The following JARID2 variants were observed in gnomAD, a reference collection of about 807,000 sequenced individuals.
The protein encoded by JARID2 is protein Jumonji.
In JARID2, 21 loss-of-function variants were observed where a neutral mutation model predicts 125.6. That is an observed-to-expected ratio of 0.17 (90% CI 0.12 to 0.24). JARID2 has a LOEUF of 0.24. Among genes scored for constraint, JARID2 ranks in the 10% least tolerant of loss-of-function variants. The pLI is 1.00. For synonymous variants in JARID2, 736 were observed against 661.6 expected (o/e 1.11, Z -1.73); for missense variants, 1,303 against 1,639.6 (o/e 0.79, Z 3.55).
intron 1 of JARID2, among the ~76,000 whole-genome samples, chr6:15,253,252 A>T (rs1458990053): frequency 6.6e-6 from 1 of 152,028 alleles, no homozygotes; most frequent in African/African-American, 2.4e-5. Context: ...TTTAGTAAAG[A>T]CGGGGTTTCA....
chr6:15,383,112 G>A (rs1196646810), intron 2 of JARID2, among the ~76,000 whole-genome samples: 1 of 152,060 alleles, frequency 6.6e-6, no homozygotes, highest in Non-Finnish European at 1.5e-5. Flanking sequence ...TTTTATAGGA[G>A]TTCAGTTTCA....
At chr6:15,462,085 T>A (rs1768480124) in intron 4 of JARID2, among the ~76,000 whole-genome samples, 1 of 152,230 alleles carries the variant, frequency 6.6e-6, no homozygotes, top group Admixed American at 6.5e-5. Context: ...ACATTCATTT[T>A]AATTTTAACC....
chr6:15,302,384 C>T (rs951524627), intron 1 of JARID2, among the ~76,000 whole-genome samples: 1 of 151,736 alleles, frequency 6.6e-6, no homozygotes, highest in African/African-American at 2.4e-5. Context: ...CACTGCACTC[C>T]ATCCTGGGCG....
Position 15,327,080 on chromosome 6 carries a change from C to T in JARID2, c.46-47037C>T, listed in dbSNP as rs576394498. Among the ~76,000 whole-genome samples the T allele has an allele frequency of 4.6e-5, 7 of 152,270 alleles. No individual in the cohort carries two copies. The East Asian group carries it at 9.6e-4, about 21-fold the overall frequency. On this transcript the variant is annotated intron_variant, in intron 1 of 17. Transcript: ENST00000341776. ...TTAATCTGGCAGCAACATTTGGGCC[C>T]GACCTGAAACACGGCTGATGGGTTT...
intron 2 of JARID2, among the ~76,000 whole-genome samples, chr6:15,383,304 A>ATT (rs34764204): frequency 4.8e-4 from 70 of 145,078 alleles, no homozygotes; most frequent in Admixed American, 6.8e-4. Flanking sequence ...CCAGGTTGGG[A>ATT]TTTTTTTTTT....
chr6:15,426,095 A>C (rs1264098622), intron 3 of JARID2, among the ~76,000 whole-genome samples: 2 of 152,192 alleles, frequency 1.3e-5, no homozygotes, highest in Non-Finnish European at 2.9e-5. Context: ...TAGTAATAAC[A>C]TGATGAGCTT....
At chr6:15,292,300 C>A (rs1171691474) in intron 1 of JARID2, among the ~76,000 whole-genome samples, 1 of 152,122 alleles carries the variant, frequency 6.6e-6, no homozygotes, top group Admixed American at 6.5e-5. Context: ...GGATTACAGG[C>A]GTGAGACACC....
At chr6:15,283,691 A>G (rs1459048961) in intron 1 of JARID2, among the ~76,000 whole-genome samples, 2 of 135,964 alleles carry the variant, frequency 1.5e-5, no homozygotes, top group Admixed American at 7.7e-5. Flanking sequence ...TAGTCTGTCC[A>G]TTGTCCTTTA....
chr6:15,268,090 ACT>A (rs1218935833), intron 1 of JARID2, among the ~76,000 whole-genome samples: 1 of 152,062 alleles, frequency 6.6e-6, no homozygotes, highest in Non-Finnish European at 1.5e-5. Context: ...TAGTGTGGTG[ACT>A]CTTTCCTTCT....
At chr6:15,512,709 G>C (rs1771338883) in intron 14 of JARID2, among the ~76,000 whole-genome samples, 1 of 152,126 alleles carries the variant, frequency 6.6e-6, no homozygotes, top group Non-Finnish European at 1.5e-5. Flanking sequence ...AGTGGCAGCT[G>C]CCTCTGGGTA....
intron 2 of JARID2, among the ~76,000 whole-genome samples, chr6:15,399,661 A>T (rs1009205809): frequency 8.5e-5 from 13 of 152,222 alleles, no homozygotes; most frequent in Non-Finnish European, 8.8e-5. Flanking sequence ...AGCAAAGTTG[A>T]CATCTACCTT....
chr6:15,354,018 A>G (rs767433273), intron 1 of JARID2, among the ~76,000 whole-genome samples: 2 of 152,202 alleles, frequency 1.3e-5, no homozygotes, highest in Non-Finnish European at 2.9e-5. Context: ...AGAGTTCAGC[A>G]TGAGGTGTAT....
At chr6:15,277,965 T>C (rs1326004021) in intron 1 of JARID2, among the ~76,000 whole-genome samples, 1 of 152,132 alleles carries the variant, frequency 6.6e-6, no homozygotes. Flanking sequence ...AGGTGAACTC[T>C]GGTTGGGCGC....
intron 4 of JARID2, among the ~76,000 whole-genome samples, chr6:15,458,718 G>A (rs970312846): frequency 1.3e-5 from 2 of 152,206 alleles, no homozygotes; most frequent in African/African-American, 4.8e-5. Context: ...AGAGGCCCTG[G>A]GATGGCTGCA....
intron 1 of JARID2, among the ~76,000 whole-genome samples, chr6:15,265,376 A>C (rs545131269): frequency 3.3e-5 from 5 of 152,090 alleles, no homozygotes; most frequent in South Asian, 2.1e-4. Context: ...TAAAAAAAAA[A>C]AAACAAAAAA....
At chr6:15,409,609 A>G (rs1765793195) in intron 2 of JARID2, among the ~76,000 whole-genome samples, 1 of 152,222 alleles carries the variant, frequency 6.6e-6, no homozygotes, top group Admixed American at 6.5e-5. Context: ...CTAAAAGCAC[A>G]TCCATGAGCA....
At chr6:15,465,222 G>T (rs1768659217) in intron 4 of JARID2, among the ~76,000 whole-genome samples, 1 of 152,216 alleles carries the variant, frequency 6.6e-6, no homozygotes, top group African/African-American at 2.4e-5. Flanking sequence ...GGGAGATCAG[G>T]TGGGAAGATC....
At chr6:15,460,852 G>T (rs1405033725) in intron 4 of JARID2, among the ~76,000 whole-genome samples, 2 of 152,116 alleles carry the variant, frequency 1.3e-5, no homozygotes, top group Non-Finnish European at 2.9e-5. Context: ...ATACAGACGT[G>T]CCCCACCACA....
rs1028706761 is a variant in JARID2, at chr6:15,516,556, G to A, written c.3451-605G>A. 3.7e-4 allele frequency among the ~76,000 whole-genome samples: 57 copies of A among 152,228 alleles called. 1 individual carries two copies. Among genetic ancestry groups the A allele is most frequent in the Non-Finnish European group, 1.5e-4 (10 of 68,034 alleles). Reference sequence around the variant, plus strand: ...GGGGCTGGTGGGTGAGGTCATCGGCGTCACAGCGGTCAGGAATCTGTGATG... The same window carrying A: ...GGGGCTGGTGGGTGAGGTCATCGGCATCACAGCGGTCAGGAATCTGTGATG... On this transcript the variant is annotated intron_variant, in intron 16 of 17. Transcript: ENST00000341776.
Sources: allele counts gnomAD v4.1 joint callset (sites outside exome capture counted in the v4.1 genomes callset), GRCh38; gene constraint gnomAD v4.1.1; transcripts MANE v1.5; gene names NCBI Gene and HGNC (gene_info 2026-07-23, HGNC 2026-07-21).